Variants in DCC observed in about 807,000 individuals in gnomAD.
DCC encodes the protein DCC netrin 1 receptor.
Under a neutral mutation model 172.5 loss-of-function variants are expected in DCC, and 58 were observed. That is an observed-to-expected ratio of 0.34 (90% CI 0.27 to 0.42). The LOEUF (loss-of-function observed/expected upper bound fraction) is 0.42. Among genes scored for constraint, DCC ranks in the 10% least tolerant of loss-of-function variants. The probability of loss-of-function intolerance (pLI) is 1.00; values close to 1 mark genes in which losing one functional copy is unlikely to be tolerated. For missense variants in DCC, 1,740 were observed against 1,791.0 expected (o/e 0.97, Z 0.51); for synonymous variants, 709 against 644.5 (o/e 1.10, Z -1.52).
At chr18:53,159,370 A>G (rs1293545186) in intron 8 of DCC, among the ~76,000 whole-genome samples, 6 of 152,136 alleles carry the variant, frequency 3.9e-5, no homozygotes, top group Admixed American at 3.9e-4. Flanking sequence ...TCCCAACACT[A>G]CCATTCCTCG....
intron 7 of DCC, among the ~76,000 whole-genome samples, chr18:53,147,264 G>A (rs1392418557): frequency 1.1e-4 from 16 of 152,086 alleles, no homozygotes; most frequent in Admixed American, 1.0e-3. Context: ...CATGCTCACC[G>A]TCCTCCTTCT....
chr18:53,300,278 G>A (rs1196780650), intron 12 of DCC, among the ~76,000 whole-genome samples: 2 of 152,146 alleles, frequency 1.3e-5, no homozygotes, highest in South Asian at 2.1e-4. Context: ...GCTTAGAGCA[G>A]GGTAAAATTT....
chr18:52,948,715 T>C (rs7241742), intron 5 of DCC, among the ~76,000 whole-genome samples: 37,730 of 152,150 alleles, frequency 0.25, 4,961 homozygotes, highest in Admixed American at 0.32. Context: ...GCTGTGTAGT[T>C]TCCCTTCTCA....
At chr18:52,763,196 A>C (rs1225193523) in intron 2 of DCC, among the ~76,000 whole-genome samples, 2 of 152,206 alleles carry the variant, frequency 1.3e-5, no homozygotes, top group Admixed American at 6.5e-5. Context: ...CATCAGGTTC[A>C]TTTACTAAGA....
At chr18:53,317,005 G>A (rs746467447) in intron 13 of DCC, among the ~76,000 whole-genome samples, 1 of 152,222 alleles carries the variant, frequency 6.6e-6, no homozygotes, top group African/African-American at 2.4e-5. Context: ...TGGTGAGAGA[G>A]GGCATCCTTG....
chr18:52,772,766 A>G (rs958977896), intron 2 of DCC, among the ~76,000 whole-genome samples: 2 of 152,158 alleles, frequency 1.3e-5, no homozygotes, highest in Admixed American at 6.5e-5. Flanking sequence ...TAAGGACTCA[A>G]TGGAAGCTGA....
At chr18:53,250,463 C>A (rs1176606256) in intron 12 of DCC, among the ~76,000 whole-genome samples, 1 of 151,880 alleles carries the variant, frequency 6.6e-6, no homozygotes, top group Non-Finnish European at 1.5e-5. Context: ...AGGAATCTGA[C>A]TTTCTTTACT....
intron 7 of DCC, among the ~76,000 whole-genome samples, chr18:53,087,882 T>C (rs895301510): frequency 1.3e-5 from 2 of 151,720 alleles, no homozygotes; most frequent in African/African-American, 2.4e-5. Context: ...TTGCTTGTTT[T>C]TCTCAGGTTT....
At chr18:53,499,564 T>C (rs1054349031) in intron 27 of DCC, 54 bp downstream of exon 27, 4 of 1,422,334 alleles carry the variant, frequency 2.8e-6, no homozygotes, top group Non-Finnish European at 4.0e-6. Flanking sequence ...GGTGCCTCTA[T>C]TTAAGTGCAT....
intron 13 of DCC, among the ~76,000 whole-genome samples, chr18:53,320,197 C>G (rs1473632598): frequency 6.6e-6 from 1 of 151,380 alleles, no homozygotes; most frequent in Non-Finnish European, 1.5e-5. Context: ...CTCAGCCTCC[C>G]GAGTAGCTGG....
intron 5 of DCC, among the ~76,000 whole-genome samples, chr18:52,940,363 A>T (rs1057219500): frequency 1.3e-5 from 2 of 152,134 alleles, no homozygotes; most frequent in East Asian, 3.9e-4. Flanking sequence ...GGCAGACTAG[A>T]TCTTCTTGTC....
intron 12 of DCC, among the ~76,000 whole-genome samples, chr18:53,277,195 C>A (rs1242930790): frequency 6.6e-6 from 1 of 152,110 alleles, no homozygotes; most frequent in African/African-American, 2.4e-5. Flanking sequence ...CAGGGCCAGG[C>A]ACGATAGCTC....
intron 2 of DCC, among the ~76,000 whole-genome samples, chr18:52,830,810 C>T (rs1198752745): frequency 6.6e-6 from 1 of 152,084 alleles, no homozygotes; most frequent in African/African-American, 2.4e-5. Flanking sequence ...TTATCAAACC[C>T]CTACTTTATA....
chr18:53,205,333 T>A lies in DCC; in HGVS notation c.1691T>A (p.Phe564Tyr). 1 of 1,613,984 alleles carries A rather than the reference T, an allele frequency of 6.2e-7. No homozygotes were observed. Among genetic ancestry groups the A allele is most frequent in the Non-Finnish European group, 8.5e-7 (1 of 1,179,930 alleles). ...GGTCCAGTCCAAGGTTACAGATTGTTCTGCACTGAGGTGTCCACAGGAAAA... is the reference window on the plus strand; with the variant it reads ...GGTCCAGTCCAAGGTTACAGATTGTACTGCACTGAGGTGTCCACAGGAAAA... Reference protein sequence around the residue: ...ANGPVQGYRLFCTEVSTGKEQ... With the variant: ...ANGPVQGYRLYCTEVSTGKEQ... Residue 564 changes from phenylalanine (F) to tyrosine (Y), a missense_variant, in exon 10 of 29, where the codon TTC becomes TAC. By Grantham distance (22) the Phe-to-Tyr change is conservative (BLOSUM62 3). Around this residue, in one of 2 missense-constraint regions of DCC, gnomAD observed 1,732 missense variants for 1,767.4 expected, o/e 0.98. Transcript: ENST00000442544.
intron 27 of DCC, among the ~76,000 whole-genome samples, chr18:53,507,301 T>A (rs2046192554): frequency 6.6e-6 from 1 of 152,230 alleles, no homozygotes; most frequent in Non-Finnish European, 1.5e-5. Flanking sequence ...AAATGTGTTA[T>A]GAAAAATCTA....
chr18:52,431,012 T>C (rs908177275), intron 1 of DCC, among the ~76,000 whole-genome samples: 11 of 152,154 alleles, frequency 7.2e-5, no homozygotes, highest in Non-Finnish European at 1.2e-4. Context: ...CTGGAGGGAT[T>C]AGCCCATCAA....
chr18:52,352,582 C>T (rs758788083), intron 1 of DCC, among the ~76,000 whole-genome samples: 19 of 152,246 alleles, frequency 1.2e-4, no homozygotes, highest in East Asian at 3.9e-4. Flanking sequence ...TCTACAGACC[C>T]GTCATCTACT....
chr18:52,427,481 A>T (rs1987468118), intron 1 of DCC, among the ~76,000 whole-genome samples: 1 of 152,110 alleles, frequency 6.6e-6, no homozygotes, highest in Non-Finnish European at 1.5e-5. Context: ...ACCCAACAAG[A>T]TGTCAGGTTT....
At position 53,061,480 on chromosome 18, in the gene DCC, A is replaced by T. The variant is rs144580505; in HGVS notation, c.986-1825A>T. Among the ~76,000 whole-genome samples the T allele has an allele frequency of 2.7e-3, 409 of 152,256 alleles. 1 individual carries two copies. Among genetic ancestry groups the T allele is most frequent in the Non-Finnish European group, 3.7e-3 (254 of 67,990 alleles). On this transcript the variant is annotated intron_variant, in intron 5 of 28. Coordinates refer to ENST00000442544, the MANE Select transcript of DCC (RefSeq NM_005215.4). ...GTAGACATAATGATTTCAGAAACAG[A>T]AAGGATGGATAGATTCAGGTAACTT...
Sources: allele counts gnomAD v4.1 joint callset (sites outside exome capture counted in the v4.1 genomes callset), GRCh38; gene constraint gnomAD v4.1.1; regional missense constraint gnomAD v4.1.1; transcripts MANE v1.5; gene names NCBI Gene and HGNC (gene_info 2026-07-23, HGNC 2026-07-21).